The following AK3 variants were observed in gnomAD, a reference collection of about 807,000 sequenced individuals.
AK3 encodes GTP:AMP phosphotransferase AK3, mitochondrial.
Under a neutral mutation model 23.7 loss-of-function variants are expected in AK3, and 27 were observed. That is an observed-to-expected ratio of 1.14 (90% CI 0.84 to 1.57). AK3 has a LOEUF of 1.57. Among genes scored for constraint, AK3 ranks in the 40% most tolerant of loss-of-function variants. AK3 has a pLI of 0.00. For synonymous variants in AK3, 159 were observed against 116.0 expected (o/e 1.37, Z -2.38); for missense variants, 406 against 285.6 (o/e 1.42, Z -3.04).
Position 4,712,993 on chromosome 9 carries a change from C to T in AK3, c.667G>A (p.Ala223Thr). The change falls in exon 5 of 5, where the codon GCT becomes ACT. Residue 223 changes from alanine to threonine, a missense_variant. Ala to Thr is a moderately conservative substitution (Grantham distance 58). Coordinates refer to ENST00000381809, the MANE Select transcript of AK3 (RefSeq NM_016282.4). ...QTKVPQRSQK[A>T]SVTP Reference sequence around the variant, plus strand: ...ATTTCTCCTCATGGAGTAACTGAAGCTTTCTGGCTTCTTTGTGGAACTTTA... The same window carrying T: ...ATTTCTCCTCATGGAGTAACTGAAGTTTTCTGGCTTCTTTGTGGAACTTTA... 6.2e-7 allele frequency: 1 copy of T among 1,613,480 alleles called. No homozygotes were observed. Among genetic ancestry groups the T allele is most frequent in the Non-Finnish European group, 8.5e-7 (1 of 1,179,644 alleles).
chr9:4,737,752 G>C (rs1243623724), intron 1 of AK3, among the ~76,000 whole-genome samples: 1 of 152,102 alleles, frequency 6.6e-6, no homozygotes, highest in Non-Finnish European at 1.5e-5. Context: ...GAGAGGACTG[G>C]ACTAAATGTC....
At chr9:4,733,355 A>G (rs1563796675) in intron 1 of AK3, among the ~76,000 whole-genome samples, 1 of 152,160 alleles carries the variant, frequency 6.6e-6, no homozygotes, top group Non-Finnish European at 1.5e-5. Flanking sequence ...TTTCTCAAAT[A>G]ATAAACACTT....
At chr9:4,732,996 A>C (rs413530) in intron 1 of AK3, among the ~76,000 whole-genome samples, 85,237 of 151,152 alleles carry the variant, frequency 0.56, 26,031 homozygotes, top group East Asian at 0.8. Context: ...AGACAAGCAG[A>C]ATCATGCCTG....
chr9:4,713,901 TA>T (rs2130867763), intron 4 of AK3, among the ~76,000 whole-genome samples: 6 of 548 alleles, frequency 0.011, no homozygotes, highest in Non-Finnish European at 8.5e-3. Flanking sequence ...TGCGTACACC[TA>T]CGCCTACACA....
In AK3 at chr9:4,712,366, T is replaced by C. The variant is rs1014709282; in HGVS notation, c.*610A>G. On this transcript the variant is annotated 3_prime_UTR_variant, in exon 5 of 5. Coordinates refer to ENST00000381809, the MANE Select transcript of AK3 (RefSeq NM_016282.4). ...CTAATTGATACATCTTTATAGCAAA[T>C]TGAAAATTCTGAGTAAACTGAAAGT... The C allele has an allele frequency of 6.6e-6, 1 of 152,196 alleles. No homozygotes were observed. Among genetic ancestry groups the C allele is most frequent in the Non-Finnish European group, 1.5e-5 (1 of 68,012 alleles). 9.4% of individuals were successfully genotyped at this position (152,196 alleles called of 1,614,324 possible).
Position 4,723,032 on chromosome 9 carries a change from T to C in AK3, c.152-407A>G, listed in dbSNP as rs1024761548. On this transcript the variant is annotated intron_variant, in intron 1 of 4. Coordinates refer to ENST00000381809, the MANE Select transcript of AK3 (RefSeq NM_016282.4). ...GTTGCAGTGAGCCGAGATCGTGCCA[T>C]TGCACTTCAGCCTGGGCAACAGAGT... 5.3e-5 allele frequency among the ~76,000 whole-genome samples: 8 copies of C among 152,192 alleles called. No individual in the cohort carries two copies. The East Asian group carries it at 5.8e-4, about 11-fold the overall frequency.
At position 4,740,303 on chromosome 9, in the gene AK3, T is replaced by A. The variant is rs1017536532; in HGVS notation, c.151+634A>T. Among the ~76,000 whole-genome samples the A allele has an allele frequency of 2.0e-5, 3 of 150,290 alleles. No homozygotes were observed. The East Asian group carries it at 6.0e-4, about 30-fold the overall frequency. ...TTGTTAACTGCCTTTCGTGCCGAGC[T>A]GTAAGAATTTATTTGGCATGAGAAA... On this transcript the variant is annotated intron_variant, in intron 1 of 4. Coordinates refer to ENST00000381809, the MANE Select transcript of AK3 (RefSeq NM_016282.4).
chr9:4,733,488 T>G (rs144742905), intron 1 of AK3, among the ~76,000 whole-genome samples: 74 of 152,326 alleles, frequency 4.9e-4, no homozygotes, highest in African/African-American at 1.6e-3. Context: ...TTTATTCTTC[T>G]TCTAACCATA....
At chr9:4,737,412 A>C (rs947465966) in intron 1 of AK3, among the ~76,000 whole-genome samples, 35 of 152,108 alleles carry the variant, frequency 2.3e-4, no homozygotes, top group Admixed American at 2.3e-3. Flanking sequence ...CCCAATAAAT[A>C]CTGTTTACTA....
chr9:4,740,060 C>CAAAAAAA (rs1166971578), intron 1 of AK3, among the ~76,000 whole-genome samples: 5 of 113,342 alleles, frequency 4.4e-5, no homozygotes, highest in Non-Finnish European at 5.3e-5. Flanking sequence ...GCTATCCTTA[C>CAAAAAAA]AAAAAAAAAA....
At chr9:4,718,999 A>G (rs1326325058) in intron 3 of AK3, 136 bp downstream of exon 3, 1 of 989,956 alleles carries the variant, frequency 1.0e-6, no homozygotes, top group East Asian at 2.5e-5. Flanking sequence ...TGATCAGTCA[A>G]CTCTACCAAG....
At chr9:4,738,310 C>T (rs1176985246) in intron 1 of AK3, among the ~76,000 whole-genome samples, 3 of 152,190 alleles carry the variant, frequency 2.0e-5, no homozygotes, top group Non-Finnish European at 4.4e-5. Context: ...GGATTACAAG[C>T]GCCCACCACC....
chr9:4,739,724 G>A (rs1167438770), intron 1 of AK3, among the ~76,000 whole-genome samples: 1 of 152,002 alleles, frequency 6.6e-6, no homozygotes, highest in Non-Finnish European at 1.5e-5. Context: ...GAGGTCAGGA[G>A]ATGGGGACCA....
At chr9:4,720,681 A>C (rs906295381) in intron 2 of AK3, among the ~76,000 whole-genome samples, 2 of 114,146 alleles carry the variant, frequency 1.8e-5, no homozygotes, top group Non-Finnish European at 3.6e-5. Flanking sequence ...AGAGCAAGAC[A>C]CTGTCTCCAA....
chr9:4,730,072 C>A (rs1842118747), intron 1 of AK3, among the ~76,000 whole-genome samples: 1 of 152,030 alleles, frequency 6.6e-6, no homozygotes, highest in Non-Finnish European at 1.5e-5. Context: ...AGAAGCCAGA[C>A]ACAAAAGACT....
chr9:4,721,041 C>T (rs999004952), intron 2 of AK3, among the ~76,000 whole-genome samples: 1 of 152,138 alleles, frequency 6.6e-6, no homozygotes, highest in Middle Eastern at 3.2e-3. Context: ...CATAAAGAAG[C>T]AAGACTTTTC....
chr9:4,728,854 T>TACACACAC (rs1408805790), intron 1 of AK3, among the ~76,000 whole-genome samples: 3,270 of 46,942 alleles, frequency 0.07, 49 homozygotes, highest in East Asian at 0.082. Flanking sequence ...TATATATATA[T>TACACACAC]ATATATATAT....
chr9:4,719,065 A>T (rs1841817969), intron 3 of AK3, 70 bp downstream of exon 3: 1 of 1,562,478 alleles, frequency 6.4e-7, no homozygotes, highest in Admixed American at 1.7e-5. Flanking sequence ...AGTTCACTCA[A>T]CTTATGTCTG....
At position 4,722,724 on chromosome 9, in the gene AK3, A is replaced by G. The variant is rs73641819; in HGVS notation, c.152-99T>C. ...CCTAAAGGGGAAGTCTGAATGGCAT[A>G]CTCATCTGAAAATGTGCATCATCAA... On this transcript the variant is annotated intron_variant, in intron 1 of 4. Transcript: ENST00000381809. 18,007 of 1,515,266 alleles carry G rather than the reference A, an allele frequency of 0.012. 1,650 individuals carry two copies. The African/African-American group carries it at 0.21, about 18-fold the overall frequency. The allele number at this position is 1,515,266 out of a possible 1,614,324, so 93.9% of individuals were successfully genotyped here. A position where few individuals can be genotyped will look rare whatever the true frequency, so the allele number is the denominator to read the frequency against.
Sources: gnomAD v4.1 joint callset for allele counts (sites outside exome capture counted in the v4.1 genomes callset) on GRCh38, gnomAD v4.1.1 for gene constraint, MANE v1.5 for transcripts, NCBI Gene and HGNC (gene_info 2026-07-23, HGNC 2026-07-21) for gene names.